Variants in COL6A5 observed in about 807,000 individuals in gnomAD.
The protein encoded by COL6A5 is collagen alpha-5(VI) chain.
COL6A5 carries 48 observed loss-of-function variants against 65.6 expected under a neutral mutation model. That is an observed-to-expected ratio of 0.73 (90% CI 0.58 to 0.93). The LOEUF (loss-of-function observed/expected upper bound fraction) is 0.93. Among genes scored for constraint, COL6A5 ranks in the 40% least tolerant of loss-of-function variants. The pLI, the probability that COL6A5 is intolerant of heterozygous loss-of-function variation, is 0.00. For synonymous variants in COL6A5, 291 were observed against 322.8 expected (o/e 0.90, Z 1.05); for missense variants, 914 against 928.3 (o/e 0.98, Z 0.20).
intron 1 of COL6A5, among the ~76,000 whole-genome samples, chr3:130,436,467 T>C (rs951784835): frequency 2.0e-5 from 3 of 152,022 alleles, no homozygotes; most frequent in Non-Finnish European, 4.4e-5. Flanking sequence ...AAACATTGTC[T>C]ATATTTGCTG....
At chr3:130,366,196 ATTC>A (rs1407858146) in intron 1 of COL6A5, among the ~76,000 whole-genome samples, 1 of 152,226 alleles carries the variant, frequency 6.6e-6, no homozygotes. Flanking sequence ...TAAGCAAGAC[ATTC>A]TTCTATCTAG....
chr3:130,403,693 G>C, intron 13 of COL6A5, 31 bp downstream of exon 13: 13 of 1,496,268 alleles, frequency 8.7e-6, no homozygotes, highest in Middle Eastern at 1.8e-4. Flanking sequence ...CTCACCCCCT[G>C]TTGCACACAC....
intron 23 of COL6A5, 91 bp downstream of exon 23, chr3:130,415,798 A>G (rs1937321182): frequency 9.3e-7 from 1 of 1,072,204 alleles, no homozygotes; most frequent in Non-Finnish European, 1.3e-6. Context: ...TTTTTGTATT[A>G]TTTACATATA....
intron 17 of COL6A5, among the ~76,000 whole-genome samples, chr3:130,407,317 A>G (rs1272620371): frequency 2.0e-5 from 3 of 152,194 alleles, no homozygotes; most frequent in Non-Finnish European, 4.4e-5. Flanking sequence ...TTGGGAGGGC[A>G]CTAGTGAGCC....
rs1710235634 is a variant in COL6A5, at chr3:130,481,307, T to C, written c.2329-2728T>C. ...TGGGAACATGTGGTGTTTGGTTTTCTGTTCCTGTGTTAGTTTGCTGAGAAT... is the reference window on the plus strand; with the variant it reads ...TGGGAACATGTGGTGTTTGGTTTTCCGTTCCTGTGTTAGTTTGCTGAGAAT... On this transcript the variant is annotated intron_variant, in intron 7 of 7. Transcript: ENST00000512836. Among the ~76,000 whole-genome samples, 3 of 151,996 alleles carry C rather than the reference T, an allele frequency of 2.0e-5. No homozygotes were observed. In the South Asian group the frequency reaches 6.2e-4, roughly 32 times the overall value.
chr3:130,393,078 G>T (rs60512937), intron 7 of COL6A5, among the ~76,000 whole-genome samples: 84,581 of 121,134 alleles, frequency 0.7, 26,393 homozygotes, highest in Non-Finnish European at 0.76. Context: ...TTTTTTTTTT[G>T]TGTGTGTGTG....
At chr3:130,434,918 T>A (rs1311075597) in intron 1 of COL6A5, among the ~76,000 whole-genome samples, 12 of 152,250 alleles carry the variant, frequency 7.9e-5, no homozygotes, top group Admixed American at 7.8e-4. Flanking sequence ...TAGTTTCTTT[T>A]GCTGTGCAGA....
exon 27 of COL6A5, chr3:130,421,334 G>A: frequency 6.5e-7 from 1 of 1,550,208 alleles, no homozygotes; most frequent in Non-Finnish European, 8.7e-7. Context: ...GGGCCCAAGA[G>A]GATTCCCTGG....
intron 1 of COL6A5, among the ~76,000 whole-genome samples, chr3:130,358,057 C>T (rs1364518882): frequency 3.3e-5 from 5 of 151,756 alleles, no homozygotes; most frequent in Admixed American, 6.6e-5. Context: ...GGCGTGGTGG[C>T]GGGCGCCTGT....
chr3:130,484,058 T>C, exon 8 of COL6A5: 1 of 1,607,594 alleles, frequency 6.2e-7, no homozygotes, highest in Admixed American at 1.7e-5. Flanking sequence ...AAGGTCATCA[T>C]AGGAGAAAAG....
chr3:130,476,514 G>T (rs979561851), intron 7 of COL6A5, among the ~76,000 whole-genome samples: 7 of 152,012 alleles, frequency 4.6e-5, no homozygotes, highest in African/African-American at 1.7e-4. Flanking sequence ...TTTTTGAAAA[G>T]TCCAAAGTCT....
At chr3:130,456,530 A>G (rs1709576497) in intron 5 of COL6A5, among the ~76,000 whole-genome samples, 2 of 152,140 alleles carry the variant, frequency 1.3e-5, no homozygotes, top group African/African-American at 4.8e-5. Context: ...CCCGTTCTCC[A>G]TGATGTGATT....
chr3:130,353,130 T>C (rs990398729), intron 1 of COL6A5, among the ~76,000 whole-genome samples: 20 of 152,206 alleles, frequency 1.3e-4, no homozygotes, highest in African/African-American at 4.8e-4. Context: ...AAAGCTTTTT[T>C]ATAAAGTAGC....
chr3:130,484,121 A>G, exon 8 of COL6A5: 1 of 1,474,558 alleles, frequency 6.8e-7, no homozygotes, highest in Non-Finnish European at 9.3e-7. Flanking sequence ...CAGAATGTAT[A>G]ATCATCTGTT....
intron 3 of COL6A5, among the ~76,000 whole-genome samples, chr3:130,442,840 T>C (rs1260773602): frequency 2.0e-5 from 3 of 152,178 alleles, no homozygotes; most frequent in Non-Finnish European, 4.4e-5. Context: ...CAGATGTTAT[T>C]TGAGATATTT....
exon 6 of COL6A5, chr3:130,469,195 C>T: frequency 6.2e-7 from 1 of 1,613,244 alleles, no homozygotes; most frequent in South Asian, 1.1e-5. Context: ...TTGACAATGT[C>T]TTTGTAGGAA....
chr3:130,349,494 A>T (rs1338048641), intron 1 of COL6A5, among the ~76,000 whole-genome samples: 4 of 152,236 alleles, frequency 2.6e-5, no homozygotes, highest in African/African-American at 9.6e-5. Context: ...AGTTATGATT[A>T]TGTAATTTTG....
intron 5 of COL6A5, among the ~76,000 whole-genome samples, chr3:130,464,376 T>C (rs915860452): frequency 6.6e-6 from 1 of 152,020 alleles, no homozygotes; most frequent in Admixed American, 6.6e-5. Context: ...CAAGCGATCC[T>C]CCCACCTCTG....
At chr3:130,368,100 G>A (rs2107629088) in intron 1 of COL6A5, among the ~76,000 whole-genome samples, 1 of 152,322 alleles carries the variant, frequency 6.6e-6, no homozygotes, top group South Asian at 2.1e-4. Flanking sequence ...AGATTTGTAA[G>A]GCCTCTGCCT....
Sources: allele counts gnomAD v4.1 joint callset (sites outside exome capture counted in the v4.1 genomes callset), GRCh38; gene constraint gnomAD v4.1.1; transcripts MANE v1.5; gene names NCBI Gene and HGNC (gene_info 2026-07-23, HGNC 2026-07-21).